Variants in ICAM3 observed in about 807,000 individuals in gnomAD.
The protein encoded by ICAM3 is ICAM-3.
ICAM3 carries 54 observed loss-of-function variants against 43.6 expected under a neutral mutation model. That is an observed-to-expected ratio of 1.24 (90% CI 0.99 to 1.55). ICAM3 has a LOEUF of 1.55. ICAM3 is among the 40% of genes most tolerant of loss of function. The pLI, the probability that ICAM3 is intolerant of heterozygous loss-of-function variation, is 0.00. For missense variants in ICAM3, 715 were observed against 717.9 expected, an observed-to-expected ratio of 1.00 and a Z score of 0.05; for synonymous variants, 306 against 312.6, an observed-to-expected ratio of 0.98 and a Z score of 0.22.
Position 10,334,671 on chromosome 19 carries a change from G to C in ICAM3, c.1049C>G (p.Pro350Arg), listed in dbSNP as rs2040566147. 20 of 1,613,136 alleles carry C rather than the reference G, an allele frequency of 1.2e-5. No homozygotes were observed. The highest frequency in any genetic ancestry group is 2.7e-5 in the African/African-American group (2 of 74,920). ...AGCTGGCTGCCCCGGGGCCGCGGCC[G>C]GAACTCCGTCCAGCGTGACCTGGAC... ...ARVQVTLDGV[P>R]AAAPGQPAQL... is the part of the protein sequence containing the mutation. The change falls in exon 5 of 7, where the codon CCG (proline) becomes CGG (arginine). Residue 350 changes from proline (P) to arginine (R), a missense_variant. Pro to Arg is a moderately radical substitution (Grantham distance 103). Transcript: ENST00000160262. This position sits in a 1 kb window ranked among gnomAD's most constrained non-coding sequence, Gnocchi z 5.5.
Position 10,334,956 on chromosome 19 carries a change from T to G in ICAM3, c.937+110A>C. The G allele has an allele frequency of 6.7e-7, 1 of 1,485,106 alleles. No homozygotes were observed. The highest frequency in any genetic ancestry group is 1.3e-5 in the South Asian group (1 of 77,230). The allele number at this position is 1,485,106 out of a possible 1,614,324, so 92.0% of individuals were successfully genotyped here. The stretch of plus-strand genomic sequence containing the variant: ...TCGGGCACTCAGGCCCAACCCACGT[T>G]GCAACTGCTATTGGGGCAAGCCAGG... On this transcript the variant is annotated intron_variant, in intron 4 of 6. Coordinates refer to ENST00000160262, the MANE Select transcript of ICAM3 (RefSeq NM_002162.5). This position sits in a 1 kb window ranked among gnomAD's most constrained non-coding sequence, Gnocchi z 5.5.
In ICAM3 at chr19:10,339,384, G is replaced by A. The variant is rs906102528; in HGVS notation, c.76+155C>T. On this transcript the variant is annotated intron_variant, in intron 1 of 6. Coordinates refer to ENST00000160262, the MANE Select transcript of ICAM3 (RefSeq NM_002162.5). ...GCTGGGGCCTGACCACCTGAAGGCT[G>A]AACTAAGGAACCAGAACTTTCTCCC... The A allele has an allele frequency of 1.8e-5, 12 of 658,786 alleles. No homozygotes were observed. The African/African-American group carries it at 2.2e-4, about 12-fold the overall frequency. 40.8% of individuals were successfully genotyped at this position (658,786 alleles called of 1,614,324 possible).
chr19:10,337,939 C>T (rs1224628672), intron 2 of ICAM3, among the ~76,000 whole-genome samples: 1 of 152,096 alleles, frequency 6.6e-6, no homozygotes, highest in Non-Finnish European at 1.5e-5. Flanking sequence ...CACTTGTAAT[C>T]CCAGCACTTT....
chr19:10,336,040 C>A, intron 2 of ICAM3, 64 bp from the exon 3 acceptor site: 1 of 1,429,522 alleles, frequency 7.0e-7, no homozygotes. Context: ...ACCCCAGGGA[C>A]TGGGGAGGAG....
rs762850714 is a variant in ICAM3 at position 10,333,958 on chromosome 19, G to A, written c.1543C>T (p.Arg515Trp). Reference protein sequence around the residue: ...ALMYVFREHQRSGSYHVREES... With the variant: ...ALMYVFREHQWSGSYHVREES... ...TCCCTAACATGGTAACTGCCGCTCCGTTGGTGCTCCCTGAAGACGTACATT... is the reference window on the plus strand; with the variant it reads ...TCCCTAACATGGTAACTGCCGCTCCATTGGTGCTCCCTGAAGACGTACATT... Residue 515 changes from arginine to tryptophan, a missense_variant, in exon 7 of 7, where the codon CGG (arginine) becomes TGG (tryptophan). Physicochemically the swap from Arg to Trp is moderately radical, Grantham distance 101. Coordinates refer to ENST00000160262, the MANE Select transcript of ICAM3 (RefSeq NM_002162.5). This position sits in a 1 kb window ranked among gnomAD's most constrained non-coding sequence, Gnocchi z 4.2. 7 of 1,614,134 alleles carry A rather than the reference G, an allele frequency of 4.3e-6. No individual in the cohort carries two copies. Among genetic ancestry groups the A allele is most frequent in the Non-Finnish European group, 5.1e-6 (6 of 1,180,022 alleles).
Position 10,339,537 on chromosome 19 carries a change from A to G in ICAM3, c.76+2T>C, listed in dbSNP as rs1599316311. The stretch of plus-strand genomic sequence containing the variant: ...AGCCCTCCCCGGCTTGACTGGTCTC[A>G]CCTGGGGTCAGCAGACAGCAGACCA... On this transcript the variant is annotated splice_donor_variant, in intron 1 of 6. Transcript: ENST00000160262. LOFTEE classifies it high-confidence loss of function. 6.2e-7 allele frequency: 1 copy of G among 1,613,736 alleles called. No individual in the cohort carries two copies. Among genetic ancestry groups the G allele is most frequent in the Non-Finnish European group, 8.5e-7 (1 of 1,179,806 alleles).
chr19:10,337,442 GAAAAA>G (rs1181934944), intron 2 of ICAM3, among the ~76,000 whole-genome samples: 1 of 145,558 alleles, frequency 6.9e-6, no homozygotes, highest in Non-Finnish European at 1.5e-5. Context: ...GAAAAGAAAA[GAAAAA>G]AAAAAGTAGC....
intron 3 of ICAM3, 137 bp downstream of exon 3, chr19:10,335,534 C>A: frequency 8.7e-7 from 1 of 1,151,832 alleles, no homozygotes. Flanking sequence ...TCCGGGGCCA[C>A]CTTGCCCAGT....
chr19:10,334,026 G>T lies in ICAM3; in HGVS notation c.1475C>A (p.Ala492Glu). Reference sequence around the variant, plus strand: ...CACCACGCCCAGGGTCAGTAACACCGCCACGAAGACGGGGACAAAGTGGGA... The same window carrying T: ...CACCACGCCCAGGGTCAGTAACACCTCCACGAAGACGGGGACAAAGTGGGA... The part of the protein sequence containing the change: ...GSSHFVPVFV[A>E]VLLTLGVVTI... The change falls in exon 7 of 7, where the codon GCG becomes GAG. Residue 492 changes from alanine to glutamate, a missense_variant. Physicochemically the swap from Ala to Glu is moderately radical, Grantham distance 107. Transcript: ENST00000160262. The surrounding 1 kb of genome is among the most constrained non-coding windows in gnomAD (Gnocchi z 5.5). The T allele has an allele frequency of 1.2e-6, 2 of 1,614,094 alleles. No individual in the cohort carries two copies. The highest frequency in any genetic ancestry group is 1.1e-5 in the South Asian group (1 of 91,086).
rs377195720 is a variant in ICAM3 at position 10,338,492 on chromosome 19, C to T, written c.343+190G>A. On this transcript the variant is annotated intron_variant, in intron 2 of 6. Coordinates refer to ENST00000160262, the MANE Select transcript of ICAM3 (RefSeq NM_002162.5). ...ATGAGATTGAGATGCGTCTCTATAT[C>T]TCTGTCTCTGTCTCTGTGTCTCTGT... 5.3e-5 allele frequency among the ~76,000 whole-genome samples: 8 copies of T among 152,002 alleles called. No homozygotes were observed. The South Asian group carries it at 1.0e-3, about 20-fold the overall frequency.
intron 1 of ICAM3, 97 bp downstream of exon 1, chr19:10,339,442 T>C (rs1010318769): frequency 1.9e-6 from 2 of 1,034,160 alleles, no homozygotes; most frequent in African/African-American, 3.2e-5. Context: ...GGTCGCAGTG[T>C]GGCAGGATGT....
rs2040550405 is a variant in ICAM3, at chr19:10,333,940, C to G, written c.1561G>C (p.Val521Leu). 1.2e-6 allele frequency: 2 copies of G among 1,614,074 alleles called. No homozygotes were observed. The highest frequency in any genetic ancestry group is 1.7e-6 in the Non-Finnish European group (2 of 1,180,050). The change falls in exon 7 of 7, where the codon GTT becomes CTT. Residue 521 changes from valine to leucine, a missense_variant. Val to Leu is a conservative substitution (Grantham distance 32). Transcript: ENST00000160262. This position sits in a 1 kb window ranked among gnomAD's most constrained non-coding sequence, Gnocchi z 4.2. ...REHQRSGSYHVREESTYLPLT... is the reference protein window; with the variant it reads ...REHQRSGSYHLREESTYLPLT... ...GGCAGATAGGTGCTCTCCTCCCTAA[C>G]ATGGTAACTGCCGCTCCGTTGGTGC...
At position 10,335,089 on chromosome 19, in the gene ICAM3, G is replaced by A. The variant is rs1320142023; in HGVS notation, c.914C>T (p.Ala305Val). ...NVTLGGERREARENLTVFSFL... is the reference protein window; with the variant it reads ...NVTLGGERREVRENLTVFSFL... ...ACTAAAGACCGTCAAGTTCTCCCGG[G>A]CCTCCCGTCTCTCGCCCCCTAGGGT... The change falls in exon 4 of 7, where the codon GCC becomes GTC. Residue 305 changes from alanine to valine, a missense_variant. By Grantham distance (64) the Ala-to-Val change is moderately conservative. Coordinates refer to ENST00000160262, the MANE Select transcript of ICAM3 (RefSeq NM_002162.5). 1 of 1,613,124 alleles carries A rather than the reference G, an allele frequency of 6.2e-7. No individual in the cohort carries two copies. The highest frequency in any genetic ancestry group is 8.5e-7 in the Non-Finnish European group (1 of 1,179,686).
chr19:10,334,891 G>A lies in ICAM3; in HGVS notation c.938-109C>T. ...TCGGGATATCCGGGCCACGCTTTCG[G>A]CCGTTCAAGCCTCGCCCTCTTTCCG... On this transcript the variant is annotated intron_variant, in intron 4 of 6. Coordinates refer to ENST00000160262, the MANE Select transcript of ICAM3 (RefSeq NM_002162.5). The surrounding 1 kb of genome is among the most constrained non-coding windows in gnomAD (Gnocchi z 5.5). 7 of 1,461,606 alleles carry A rather than the reference G, an allele frequency of 4.8e-6. No individual in the cohort carries two copies. The highest frequency in any genetic ancestry group is 6.4e-6 in the Non-Finnish European group (7 of 1,091,248). 90.5% of individuals were successfully genotyped at this position (1,461,606 alleles called of 1,614,324 possible).
chr19:10,339,380 G>A, intron 1 of ICAM3, 159 bp downstream of exon 1: 1 of 643,956 alleles, frequency 1.6e-6, no homozygotes, highest in South Asian at 1.9e-5. Flanking sequence ...ACCACCTGAA[G>A]GCTGAACTAA....
intron 2 of ICAM3, among the ~76,000 whole-genome samples, chr19:10,336,804 CAAAAAAAAA>C (rs34119863): frequency 1.3e-5 from 1 of 79,002 alleles, no homozygotes; most frequent in African/African-American, 5.1e-5. Context: ...GACTCTATGT[CAAAAAAAAA>C]AAAAAAAAAA....
chr19:10,336,102 G>A (rs1745515370), intron 2 of ICAM3, 126 bp from the exon 3 acceptor site: 1 of 833,300 alleles, frequency 1.2e-6, no homozygotes, highest in Non-Finnish European at 1.8e-6. Flanking sequence ...AACTTAGAGG[G>A]CTTAGAGCTG....
In ICAM3 at chr19:10,339,019, A is replaced by G. The variant is rs2040628672; in HGVS notation, c.77-71T>C. Reference sequence around the variant, plus strand: ...AACCCACGCATCAACAGGCCCCACCATTTAACACCTCTCTCCTTGTGCCGA... The same window carrying G: ...AACCCACGCATCAACAGGCCCCACCGTTTAACACCTCTCTCCTTGTGCCGA... On this transcript the variant is annotated intron_variant, in intron 1 of 6. Transcript: ENST00000160262. 4 of 1,500,552 alleles carry G rather than the reference A, an allele frequency of 2.7e-6. No homozygotes were observed. In the South Asian group the frequency reaches 4.7e-5, roughly 18 times the overall value. The allele number at this position is 1,500,552 out of a possible 1,614,324, so 93.0% of individuals were successfully genotyped here.
chr19:10,334,927 A>G lies in ICAM3; in HGVS notation c.937+139T>C. ...CTCGCCCTCTTTCCGCGCTGTGTCC[A>G]GCTTCGGGCACTCAGGCCCAACCCA... On this transcript the variant is annotated intron_variant, in intron 4 of 6. Coordinates refer to ENST00000160262, the MANE Select transcript of ICAM3 (RefSeq NM_002162.5). This position sits in a 1 kb window ranked among gnomAD's most constrained non-coding sequence, Gnocchi z 5.5. 2 of 1,447,476 alleles carry G rather than the reference A, an allele frequency of 1.4e-6. No homozygotes were observed. Among genetic ancestry groups the G allele is most frequent in the Non-Finnish European group, 9.3e-7 (1 of 1,074,934 alleles). The allele number at this position is 1,447,476 out of a possible 1,614,324, so 89.7% of individuals were successfully genotyped here. A position where few individuals can be genotyped will look rare whatever the true frequency, so the allele number is the denominator to read the frequency against.
Sources: allele counts gnomAD v4.1 joint callset (sites outside exome capture counted in the v4.1 genomes callset), GRCh38; gene constraint gnomAD v4.1.1; non-coding constraint Gnocchi (gnomAD v3.1); transcripts MANE v1.5; gene names NCBI Gene and HGNC (gene_info 2026-07-23, HGNC 2026-07-21).